MAGI2: variants seen among roughly 807,000 people sequenced by gnomAD.
MAGI2 encodes membrane-associated guanylate kinase, WW and PDZ domain-containing protein 2.
MAGI2 carries 35 observed loss-of-function variants against 133.3 expected under a neutral mutation model. The ratio of observed to expected loss-of-function variants is 0.26; its 90% CI spans 0.20 to 0.35. The LOEUF is 0.35. Among genes scored for constraint, MAGI2 ranks in the 10% least tolerant of loss-of-function variants. The probability of loss-of-function intolerance (pLI) is 1.00; values close to 1 mark genes in which losing one functional copy is unlikely to be tolerated. For synonymous variants in MAGI2, 729 were observed against 710.6 expected, an observed-to-expected ratio of 1.03 and a Z score of -0.41; for missense variants, 1,636 against 1,863.4, an observed-to-expected ratio of 0.88 and a Z score of 2.25.
At chr7:78,044,364 C>T (rs1424105839) in intron 21 of MAGI2, among the ~76,000 whole-genome samples, 1 of 152,184 alleles carries the variant, frequency 6.6e-6, no homozygotes, top group Non-Finnish European at 1.5e-5. Flanking sequence ...AGGTCAGTTG[C>T]AATTACTGCC....
chr7:79,361,316 C>T (rs989069487), intron 1 of MAGI2, among the ~76,000 whole-genome samples: 1 of 151,938 alleles, frequency 6.6e-6, no homozygotes, highest in South Asian at 2.1e-4. Flanking sequence ...GAGTGTGGTC[C>T]CTTTAAATGA....
At chr7:79,381,198 T>C (rs1401815465) in intron 1 of MAGI2, among the ~76,000 whole-genome samples, 2 of 151,628 alleles carry the variant, frequency 1.3e-5, no homozygotes, top group Admixed American at 1.3e-4. Context: ...TCTCCTTTTT[T>C]TGTTGTTGTT....
At chr7:78,734,367 A>G (rs1388577350) in intron 2 of MAGI2, among the ~76,000 whole-genome samples, 1 of 152,188 alleles carries the variant, frequency 6.6e-6, no homozygotes, top group Admixed American at 6.5e-5. Context: ...AGGAAGCACT[A>G]AAACCTGCCT....
At chr7:78,582,858 C>T (rs991878668) in intron 3 of MAGI2, among the ~76,000 whole-genome samples, 4 of 152,148 alleles carry the variant, frequency 2.6e-5, no homozygotes, top group Admixed American at 2.6e-4. Flanking sequence ...TTTAGAAAGA[C>T]CTATGTTTCC....
chr7:78,320,175 C>T (rs779896383), intron 9 of MAGI2, among the ~76,000 whole-genome samples: 23 of 152,186 alleles, frequency 1.5e-4, no homozygotes, highest in Admixed American at 2.6e-4. Context: ...GATTCACAGC[C>T]GAATTTTACC....
intron 1 of MAGI2, among the ~76,000 whole-genome samples, chr7:79,135,392 G>A (rs1821296479): frequency 6.6e-6 from 1 of 152,118 alleles, no homozygotes; most frequent in Admixed American, 6.5e-5. Flanking sequence ...CTTATCAAAG[G>A]AAGAAACTCT....
At chr7:78,536,460 T>G (rs1371252530) in intron 3 of MAGI2, among the ~76,000 whole-genome samples, 1 of 152,122 alleles carries the variant, frequency 6.6e-6, no homozygotes, top group Admixed American at 6.5e-5. Flanking sequence ...GTTGGCCTTG[T>G]CTGAGCCCCG....
intron 2 of MAGI2, among the ~76,000 whole-genome samples, chr7:78,908,017 G>C (rs181402476): frequency 6.6e-6 from 1 of 152,164 alleles, no homozygotes; most frequent in East Asian, 1.9e-4. Flanking sequence ...GAAAGAGGAG[G>C]AGAGGAGATG....
At chr7:78,150,481 G>A (rs888616054) in intron 16 of MAGI2, among the ~76,000 whole-genome samples, 8 of 152,162 alleles carry the variant, frequency 5.3e-5, no homozygotes, top group South Asian at 2.1e-4. Context: ...AGTGCCCTGC[G>A]GGCTCTGAAT....
At chr7:78,580,524 C>T (rs1802726273) in intron 3 of MAGI2, among the ~76,000 whole-genome samples, 1 of 152,172 alleles carries the variant, frequency 6.6e-6, no homozygotes, top group Non-Finnish European at 1.5e-5. Context: ...TACCTCATCC[C>T]AATTGGGGCA....
intron 2 of MAGI2, among the ~76,000 whole-genome samples, chr7:78,808,848 G>A (rs1301713157): frequency 6.6e-6 from 1 of 152,102 alleles, no homozygotes; most frequent in Non-Finnish European, 1.5e-5. Context: ...CCCAGGTAGG[G>A]GTGCAGGAGC....
At chr7:78,175,080 A>G (rs1462434565) in intron 14 of MAGI2, among the ~76,000 whole-genome samples, 1 of 152,192 alleles carries the variant, frequency 6.6e-6, no homozygotes, top group African/African-American at 2.4e-5. Flanking sequence ...AACCATAATC[A>G]TAAGTACAGC....
rs551399170 is a variant in MAGI2 at position 78,220,305 on chromosome 7, T to C, written c.2048-19112A>G. ...TCTGAAATGCTGTCACCACTCTTTC[T>C]CTTCCTGGTAGAACTGACCAATCTT... On this transcript the variant is annotated intron_variant, in intron 10 of 21. Transcript: ENST00000354212. 3.5e-3 allele frequency among the ~76,000 whole-genome samples: 529 copies of C among 152,318 alleles called. 2 individuals are homozygous for C. The highest frequency in any genetic ancestry group is 5.9e-3 in the Non-Finnish European group (398 of 68,014).
chr7:79,226,504 A>C (rs1304730629), intron 1 of MAGI2, among the ~76,000 whole-genome samples: 2 of 152,188 alleles, frequency 1.3e-5, no homozygotes, highest in Non-Finnish European at 2.9e-5. Flanking sequence ...CTAACATGAA[A>C]ATATCTAATA....
intron 3 of MAGI2, chr7:78,615,789 C>T (rs1434028600): frequency 6.6e-6 from 1 of 152,160 alleles, no homozygotes; most frequent in Non-Finnish European, 1.5e-5. Flanking sequence ...TTTATTGACA[C>T]CACACATTGT....
chr7:78,256,432 C>A lies in MAGI2; in HGVS notation c.1558G>T (p.Ala520Ser). 6.2e-7 allele frequency: 1 copy of A among 1,613,890 alleles called. No individual in the cohort carries two copies. Among genetic ancestry groups the A allele is most frequent in the South Asian group, 1.1e-5 (1 of 91,070 alleles). Reference sequence around the variant, plus strand: ...GCAAGGGGTGGCACCATGCTGTTAGCAGGGTCTTCAGGATCAAAGGGCAAA... The same window carrying A: ...GCAAGGGGTGGCACCATGCTGTTAGAAGGGTCTTCAGGATCAAAGGGCAAA... The part of the protein sequence containing the change: ...YPLPFDPEDP[A>S]NSMVPPLAIM... The change falls in exon 10 of 22, where the codon GCT becomes TCT. Residue 520 changes from alanine (A) to serine (S), a missense_variant. Ala to Ser is a moderately conservative substitution (Grantham distance 99, BLOSUM62 1). This residue lies in a region of MAGI2 where 920 missense variants were observed against 1,093.5 expected (regional missense o/e 0.84). Coordinates refer to ENST00000354212, the MANE Select transcript of MAGI2 (RefSeq NM_012301.4).
intron 6 of MAGI2, among the ~76,000 whole-genome samples, chr7:78,376,089 C>G (rs1253744197): frequency 2.0e-5 from 3 of 151,876 alleles, no homozygotes; most frequent in Non-Finnish European, 4.4e-5. Context: ...GAAAGCTAAC[C>G]ACAGTCCCAT....
At position 78,046,838 on chromosome 7, in the gene MAGI2, C is replaced by T. The variant is rs1165091087; in HGVS notation, c.3707-26862G>A. Among the ~76,000 whole-genome samples, 5 of 152,164 alleles carry T rather than the reference C, an allele frequency of 3.3e-5. No individual in the cohort carries two copies. The East Asian group carries it at 9.7e-4, about 29-fold the overall frequency. ...ATTAGTTTTTATTAATAGAATTAAG[C>T]CATATTAAGTCTTGAGATGGTATCA... On this transcript the variant is annotated intron_variant, in intron 21 of 21. Transcript: ENST00000354212.
At chr7:78,865,610 GA>G (rs1435558608) in intron 2 of MAGI2, among the ~76,000 whole-genome samples, 3 of 152,196 alleles carry the variant, frequency 2.0e-5, no homozygotes, top group African/African-American at 7.2e-5. Flanking sequence ...TGGAGACTTA[GA>G]GGGATGTAAT....
Sources: gnomAD v4.1 joint callset for allele counts (sites outside exome capture counted in the v4.1 genomes callset) on GRCh38, gnomAD v4.1.1 for gene constraint, gnomAD v4.1.1 regional missense constraint, MANE v1.5 for transcripts, NCBI Gene and HGNC (gene_info 2026-07-23, HGNC 2026-07-21) for gene names.